Variants in SLC2A13 observed in about 807,000 individuals in gnomAD.
SLC2A13 encodes the protein proton myo-inositol cotransporter.
SLC2A13 carries 32 observed loss-of-function variants against 64.4 expected under a neutral mutation model. The observed-to-expected ratio is 0.50, with a 90% CI of 0.37 to 0.67. The LOEUF (loss-of-function observed/expected upper bound fraction) is 0.67, where lower values mean the gene tolerates loss of function less well. Among genes scored for constraint, SLC2A13 ranks in the 30% least tolerant of loss-of-function variants. The probability of loss-of-function intolerance (pLI) is 0.00; values close to 1 mark genes in which losing one functional copy is unlikely to be tolerated. For missense variants in SLC2A13, 743 were observed against 829.2 expected (o/e 0.90, Z 1.28); for synonymous variants, 338 against 327.1 (o/e 1.03, Z -0.36).
At chr12:39,969,955 C>A (rs1435582281) in intron 3 of SLC2A13, among the ~76,000 whole-genome samples, 1 of 152,128 alleles carries the variant, frequency 6.6e-6, no homozygotes, top group Non-Finnish European at 1.5e-5. Flanking sequence ...AGTCTTTAAT[C>A]CATCTTGAAT....
chr12:40,075,377 T>C (rs1938131358), intron 1 of SLC2A13, among the ~76,000 whole-genome samples: 5 of 152,234 alleles, frequency 3.3e-5, no homozygotes, highest in Admixed American at 3.3e-4. Context: ...AAATTATGGT[T>C]AGCTGTATCC....
chr12:39,981,140 C>T (rs1298730976), intron 3 of SLC2A13, among the ~76,000 whole-genome samples: 2 of 151,124 alleles, frequency 1.3e-5, no homozygotes, highest in Non-Finnish European at 2.9e-5. Context: ...AACAAAGACA[C>T]AACATATCAG....
intron 4 of SLC2A13, among the ~76,000 whole-genome samples, chr12:39,926,317 C>T (rs553164703): frequency 6.6e-6 from 1 of 152,056 alleles, no homozygotes; most frequent in South Asian, 2.1e-4. Context: ...ATCTTACATA[C>T]AAATCTCAGG....
At chr12:39,880,810 G>A (rs777583302) in intron 4 of SLC2A13, among the ~76,000 whole-genome samples, 15 of 152,072 alleles carry the variant, frequency 9.9e-5, no homozygotes, top group Non-Finnish European at 1.9e-4. Context: ...GTCTCACCTC[G>A]CTCAGCCACA....
rs370937258 is a variant in SLC2A13 at position 39,871,828 on chromosome 12, G to A, written c.1168C>T (p.Arg390Cys). Residue 390 changes from arginine (R) to cysteine (C), a missense_variant, in exon 5 of 10, where the codon CGC becomes TGC. By Grantham distance (180) the Arg-to-Cys change is radical (BLOSUM62 -3). Transcript: ENST00000280871. Reference protein sequence around the residue: ...VGVWLVEKVGRRKLTFGSLAG... With the variant: ...VGVWLVEKVGCRKLTFGSLAG... ...AAACTACCAAAGGTAAGCTTTCTGC[G>A]GCCCACCTTCTCAACAAGCCAGACT... 1.7e-4 allele frequency: 269 copies of A among 1,609,584 alleles called. No homozygotes were observed. Among genetic ancestry groups the A allele is most frequent in the Non-Finnish European group, 2.2e-4 (265 of 1,178,154 alleles).
chr12:39,811,032 T>C (rs887066621), intron 7 of SLC2A13, among the ~76,000 whole-genome samples: 6 of 152,166 alleles, frequency 3.9e-5, no homozygotes, highest in Admixed American at 1.3e-4. Flanking sequence ...TCTGGTTTAA[T>C]TCACCAATGC....
At chr12:39,778,255 T>C (rs769722782) in intron 7 of SLC2A13, among the ~76,000 whole-genome samples, 2 of 152,212 alleles carry the variant, frequency 1.3e-5, no homozygotes, top group African/African-American at 2.4e-5. Flanking sequence ...TGAGGCTGAA[T>C]GTTTGTCAAA....
At chr12:40,043,314 T>A (rs1347203984) in intron 2 of SLC2A13, among the ~76,000 whole-genome samples, 1 of 152,072 alleles carries the variant, frequency 6.6e-6, no homozygotes, top group African/African-American at 2.4e-5. Flanking sequence ...TCTCACTATG[T>A]TCATGAAGTA....
At chr12:39,767,996 T>C (rs1250985648) in intron 7 of SLC2A13, among the ~76,000 whole-genome samples, 1 of 152,144 alleles carries the variant, frequency 6.6e-6, no homozygotes, top group Non-Finnish European at 1.5e-5. Flanking sequence ...CAGTTATTTA[T>C]AGCAGTGTGA....
chr12:39,876,936 T>C (rs773321946), intron 4 of SLC2A13, among the ~76,000 whole-genome samples: 3 of 152,192 alleles, frequency 2.0e-5, no homozygotes, highest in Non-Finnish European at 4.4e-5. Context: ...TTATTGACTG[T>C]AAGACCTTAA....
intron 3 of SLC2A13, among the ~76,000 whole-genome samples, chr12:39,988,984 T>A (rs1284003170): frequency 6.6e-6 from 1 of 152,150 alleles, no homozygotes; most frequent in Non-Finnish European, 1.5e-5. Flanking sequence ...CAGCCTCCAA[T>A]TTAAGGGGCC....
chr12:40,057,354 T>A (rs1948347513), intron 1 of SLC2A13, among the ~76,000 whole-genome samples: 1 of 152,088 alleles, frequency 6.6e-6, no homozygotes, highest in Non-Finnish European at 1.5e-5. Context: ...CCTATACAAT[T>A]TTCTGATTTG....
chr12:39,897,116 T>C (rs1165689259), intron 4 of SLC2A13, among the ~76,000 whole-genome samples: 2 of 152,196 alleles, frequency 1.3e-5, no homozygotes, highest in African/African-American at 4.8e-5. Flanking sequence ...TTATCATTGT[T>C]CCTGTGAATT....
intron 3 of SLC2A13, among the ~76,000 whole-genome samples, chr12:40,014,483 G>A (rs1401734317): frequency 6.6e-6 from 1 of 152,000 alleles, no homozygotes; most frequent in Non-Finnish European, 1.5e-5. Flanking sequence ...GATTATAAAA[G>A]ATATTCATTT....
chr12:39,997,612 C>T (rs1285338694), intron 3 of SLC2A13, among the ~76,000 whole-genome samples: 4 of 152,128 alleles, frequency 2.6e-5, no homozygotes, highest in South Asian at 2.1e-4. Flanking sequence ...AGGCAGATCA[C>T]GAGGTCAAGA....
chr12:39,802,726 A>C (rs1941835599), intron 7 of SLC2A13, among the ~76,000 whole-genome samples: 1 of 152,188 alleles, frequency 6.6e-6, no homozygotes, highest in Non-Finnish European at 1.5e-5. Context: ...TATAGATATA[A>C]AGATACAGAG....
At chr12:39,879,076 C>T (rs1042693505) in intron 4 of SLC2A13, among the ~76,000 whole-genome samples, 4 of 152,238 alleles carry the variant, frequency 2.6e-5, no homozygotes, top group Admixed American at 1.3e-4. Context: ...AGGCATAAGC[C>T]TTGCTGTCTT....
chr12:39,808,410 A>G (rs1313185074), intron 7 of SLC2A13, among the ~76,000 whole-genome samples: 2 of 152,186 alleles, frequency 1.3e-5, no homozygotes, highest in African/African-American at 2.4e-5. Flanking sequence ...GCTATAAACG[A>G]CTGTGTAGAA....
chr12:39,887,423 T>A (rs1285248132), intron 4 of SLC2A13, among the ~76,000 whole-genome samples: 2 of 152,104 alleles, frequency 1.3e-5, no homozygotes, highest in Non-Finnish European at 2.9e-5. Context: ...CACTGAGGGC[T>A]CTAGAATCAA....
Sources: allele counts gnomAD v4.1 joint callset (sites outside exome capture counted in the v4.1 genomes callset), GRCh38; gene constraint gnomAD v4.1.1; transcripts MANE v1.5; gene names NCBI Gene and HGNC (gene_info 2026-07-23, HGNC 2026-07-21).